SH3RF1: variants seen among roughly 807,000 people sequenced by gnomAD.
SH3RF1 encodes SH3 domain containing ring finger 1.
Under a neutral mutation model 74.0 loss-of-function variants are expected in SH3RF1, and 32 were observed. The observed-to-expected ratio is 0.43, with a 90% CI of 0.33 to 0.58. SH3RF1 has a LOEUF of 0.58. SH3RF1 is among the 20% of genes least tolerant of loss of function. The pLI, the probability that SH3RF1 is intolerant of heterozygous loss-of-function variation, is 0.05. For synonymous variants in SH3RF1, 396 were observed against 439.6 expected (o/e 0.90, Z 1.24); for missense variants, 954 against 1,130.9 (o/e 0.84, Z 2.24).
chr4:169,118,749 G>A (rs1244313681), intron 8 of SH3RF1, among the ~76,000 whole-genome samples: 6 of 152,098 alleles, frequency 3.9e-5, no homozygotes, highest in Admixed American at 1.3e-4. Context: ...GAGCCAACGC[G>A]CCTAGCTGGT....
chr4:169,194,919 C>G (rs1734785713), intron 2 of SH3RF1, among the ~76,000 whole-genome samples: 1 of 152,176 alleles, frequency 6.6e-6, no homozygotes, highest in African/African-American at 2.4e-5. Flanking sequence ...GACTATTTAT[C>G]ATATGTTTTA....
At chr4:169,130,427 G>T (rs754630380) in intron 5 of SH3RF1, among the ~76,000 whole-genome samples, 1 of 151,962 alleles carries the variant, frequency 6.6e-6, no homozygotes, top group East Asian at 1.9e-4. Flanking sequence ...TGGCTTTCAC[G>T]GTAACACATT....
chr4:169,153,040 C>T (rs2126963290), intron 4 of SH3RF1, among the ~76,000 whole-genome samples: 1 of 152,310 alleles, frequency 6.6e-6, no homozygotes, highest in Non-Finnish European at 1.5e-5. Flanking sequence ...ACCCCAAGGC[C>T]CATCCCGTGC....
intron 2 of SH3RF1, among the ~76,000 whole-genome samples, chr4:169,222,238 T>C (rs1349892720): frequency 6.6e-6 from 1 of 152,088 alleles, no homozygotes; most frequent in Non-Finnish European, 1.5e-5. Flanking sequence ...CCGAGGCAGG[T>C]AGATCACTTG....
At chr4:169,114,441 C>T (rs1308617876) in intron 10 of SH3RF1, among the ~76,000 whole-genome samples, 1 of 152,226 alleles carries the variant, frequency 6.6e-6, no homozygotes, top group Non-Finnish European at 1.5e-5. Context: ...ATAAAACCTG[C>T]AAGGTCCTTT....
At chr4:169,238,420 G>A (rs1359691149) in intron 2 of SH3RF1, among the ~76,000 whole-genome samples, 2 of 152,170 alleles carry the variant, frequency 1.3e-5, no homozygotes, top group Non-Finnish European at 2.9e-5. Flanking sequence ...ACACTCTGCT[G>A]CCCTCTTAAT....
In SH3RF1 at chr4:169,095,983, G is replaced by A. The variant is rs774126001; in HGVS notation, c.*536C>T. On this transcript the variant is annotated 3_prime_UTR_variant, in exon 12 of 12. Transcript: ENST00000284637. ...AGAAGAAAACCAAATTAGAGAACTG[G>A]GATTTCTATCTTAAAGAAGCAAAAC... is the stretch of plus-strand genomic sequence containing the variant. The A allele has an allele frequency of 6.6e-6, 1 of 152,098 alleles. No homozygotes were observed. The highest frequency in any genetic ancestry group is 1.5e-5 in the Non-Finnish European group (1 of 68,038). The allele number at this position is 152,098 out of a possible 1,614,324, so 9.4% of individuals were successfully genotyped here.
intron 2 of SH3RF1, among the ~76,000 whole-genome samples, chr4:169,222,524 T>TAA (rs1462232623): frequency 6.7e-6 from 1 of 149,240 alleles, no homozygotes; most frequent in Non-Finnish European, 1.5e-5. Flanking sequence ...TATATATATA[T>TAA]AAATCATTAA....
chr4:169,248,446 A>G (rs1425208127), intron 2 of SH3RF1, among the ~76,000 whole-genome samples: 2 of 152,162 alleles, frequency 1.3e-5, no homozygotes, highest in Non-Finnish European at 1.5e-5. Context: ...ATGAAAACAC[A>G]TGGATACAGG....
Position 169,192,327 on chromosome 4 carries a change from C to T in SH3RF1, c.394-35648G>A, listed in dbSNP as rs1463244793. Among the ~76,000 whole-genome samples, 4 of 151,132 alleles carry T rather than the reference C, an allele frequency of 2.6e-5. No individual in the cohort carries two copies. In the Admixed American group the frequency reaches 2.6e-4, roughly 10 times the overall value. Reference sequence around the variant, plus strand: ...TCACTAATGATCAGGGAAATGCAAACATGAATAGACAGTTCGCAAAAGAAG... The same window carrying T: ...TCACTAATGATCAGGGAAATGCAAATATGAATAGACAGTTCGCAAAAGAAG... On this transcript the variant is annotated intron_variant, in intron 2 of 11. Transcript: ENST00000284637.
chr4:169,156,053 A>G (rs1734045591), intron 3 of SH3RF1, among the ~76,000 whole-genome samples: 1 of 152,240 alleles, frequency 6.6e-6, no homozygotes. Flanking sequence ...AATTTTACAT[A>G]TAAAATATGA....
intron 2 of SH3RF1, among the ~76,000 whole-genome samples, chr4:169,192,321 T>C (rs945721952): frequency 2.0e-5 from 3 of 151,844 alleles, no homozygotes; most frequent in Non-Finnish European, 4.4e-5. Context: ...ATCAGGGAAA[T>C]GCAAACATGA....
intron 2 of SH3RF1, among the ~76,000 whole-genome samples, chr4:169,193,406 A>G (rs1324214786): frequency 6.6e-6 from 1 of 152,152 alleles, no homozygotes; most frequent in African/African-American, 2.4e-5. Context: ...TCCAACAGAC[A>G]ATGCACAAGG....
chr4:169,224,929 C>G (rs928254929), intron 2 of SH3RF1, among the ~76,000 whole-genome samples: 4 of 152,236 alleles, frequency 2.6e-5, no homozygotes, highest in East Asian at 1.9e-4. Flanking sequence ...TAAGGGACAT[C>G]GAGTCTCATT....
rs1007948695 is a variant in SH3RF1, at chr4:169,233,232, G to C, written c.393+35588C>G. Among the ~76,000 whole-genome samples the C allele has an allele frequency of 2.8e-5, 3 of 106,780 alleles. No homozygotes were observed. In the East Asian group the frequency reaches 9.5e-4, roughly 34 times the overall value. The allele number at this position is 106,780 out of a possible 152,430, so 70.1% of individuals were successfully genotyped here. Reference sequence around the variant, plus strand: ...CCACTGCACTCCAGCCTGGGCAACAGAGCAAGACTCCATCTCAAAAAAAAA... The same window carrying C: ...CCACTGCACTCCAGCCTGGGCAACACAGCAAGACTCCATCTCAAAAAAAAA... On this transcript the variant is annotated intron_variant, in intron 2 of 11. Coordinates refer to ENST00000284637, the MANE Select transcript of SH3RF1 (RefSeq NM_020870.4).
intron 2 of SH3RF1, among the ~76,000 whole-genome samples, chr4:169,258,023 G>T (rs1731219582): frequency 6.6e-6 from 1 of 152,164 alleles, no homozygotes; most frequent in African/African-American, 2.4e-5. Context: ...GTGCCAATCT[G>T]AGTTTGTCCT....
At chr4:169,207,323 A>G (rs1417091347) in intron 2 of SH3RF1, among the ~76,000 whole-genome samples, 1 of 152,158 alleles carries the variant, frequency 6.6e-6, no homozygotes, top group Non-Finnish European at 1.5e-5. Context: ...GTTACTTGGG[A>G]AGCTAAGGCA....
At chr4:169,243,718 C>A (rs1730950488) in intron 2 of SH3RF1, among the ~76,000 whole-genome samples, 1 of 152,186 alleles carries the variant, frequency 6.6e-6, no homozygotes, top group South Asian at 2.1e-4. Flanking sequence ...TCAACAGATT[C>A]TTGCACTGGA....
intron 2 of SH3RF1, among the ~76,000 whole-genome samples, chr4:169,198,075 A>C (rs1261842366): frequency 6.6e-6 from 1 of 152,238 alleles, no homozygotes; most frequent in Non-Finnish European, 1.5e-5. Context: ...ATTGGTCCAA[A>C]TTATTGCATC....
Sources: allele counts gnomAD v4.1 joint callset (sites outside exome capture counted in the v4.1 genomes callset), GRCh38; gene constraint gnomAD v4.1.1; transcripts MANE v1.5; gene names NCBI Gene and HGNC (gene_info 2026-07-23, HGNC 2026-07-21).